The following ANGPTL3 variants were observed in gnomAD, a reference collection of about 807,000 sequenced individuals.
ANGPTL3 encodes the protein angiopoietin-related protein 3.
Under a neutral mutation model 52.7 loss-of-function variants are expected in ANGPTL3, and 51 were observed. The ratio of observed to expected loss-of-function variants is 0.97; its 90% CI spans 0.77 to 1.22. The LOEUF is 1.22. Among genes scored for constraint, ANGPTL3 ranks in the 50% most tolerant of loss-of-function variants. The pLI is 0.00. For synonymous variants in ANGPTL3, 185 were observed against 179.8 expected (o/e 1.03, Z -0.23); for missense variants, 506 against 520.7 (o/e 0.97, Z 0.27).
In ANGPTL3 at chr1:62,597,915, T is replaced by C. The variant is rs771793802; in HGVS notation, c.349T>C (p.Ser117Pro). 6.4e-7 allele frequency: 1 copy of C among 1,554,162 alleles called. No individual in the cohort carries two copies. Among genetic ancestry groups the C allele is most frequent in the South Asian group, 1.3e-5 (1 of 79,254 alleles). The change falls in exon 1 of 7, where the codon TCA becomes CCA. Residue 117 changes from serine to proline, a missense_variant. Transcript: ENST00000371129. Reference protein sequence around the residue: ...QVKNEEVKNMSLELNSKLESL... With the variant: ...QVKNEEVKNMPLELNSKLESL... The stretch of plus-strand genomic sequence containing the variant: ...CAAAAATGAAGAGGTAAAGAATATG[T>C]CACTTGAACTCAACTCAAAACTTGA...
At chr1:62,603,751 C>CA (rs1418383583) in intron 5 of ANGPTL3, among the ~76,000 whole-genome samples, 1 of 151,726 alleles carries the variant, frequency 6.6e-6, no homozygotes, top group Admixed American at 6.6e-5. Flanking sequence ...AAAGGATAAT[C>CA]AGACTTTCAG....
chr1:62,598,585 A>G, intron 1 of ANGPTL3, 111 bp from the exon 2 acceptor site: 1 of 690,098 alleles, frequency 1.4e-6, no homozygotes, highest in South Asian at 1.7e-5. Flanking sequence ...GCCAATATTC[A>G]TTTTTCAAAT....
At chr1:62,604,508 C>A in intron 6 of ANGPTL3, 125 bp from the exon 7 acceptor site, 1 of 1,047,474 alleles carries the variant, frequency 9.5e-7, no homozygotes, top group Middle Eastern at 2.5e-4. Flanking sequence ...TTATTTAAAA[C>A]TGGGATACAT....
Position 62,604,916 on chromosome 1 carries a change from G to A in ANGPTL3, c.*99G>A. Reference sequence around the variant, plus strand: ...ATTAAATCCTTAAGAGAAAGCTTGAGAAATAGATTTTTTTTATCTTAAAGT... The same window carrying A: ...ATTAAATCCTTAAGAGAAAGCTTGAAAAATAGATTTTTTTTATCTTAAAGT... On this transcript the variant is annotated 3_prime_UTR_variant, in exon 7 of 7. Coordinates refer to ENST00000371129, the MANE Select transcript of ANGPTL3 (RefSeq NM_014495.4). The A allele has an allele frequency of 7.7e-7, 1 of 1,291,906 alleles. No homozygotes were observed. The highest frequency in any genetic ancestry group is 1.1e-6 in the Non-Finnish European group (1 of 907,178). The allele number at this position is 1,291,906 out of a possible 1,614,324, so 80.0% of individuals were successfully genotyped here.
At position 62,604,184 on chromosome 1, in the gene ANGPTL3, A is replaced by T. The variant is rs368728000; in HGVS notation, c.1147A>T (p.Thr383Ser). 7.5e-5 allele frequency: 121 copies of T among 1,613,360 alleles called. No homozygotes were observed. Among genetic ancestry groups the T allele is most frequent in the Middle Eastern group, 1.7e-4 (1 of 6,058 alleles). The change falls in exon 6 of 7, where the codon ACT becomes TCT. Residue 383 changes from threonine to serine, a missense_variant. By Grantham distance (58) the Thr-to-Ser change is moderately conservative. Coordinates refer to ENST00000371129, the MANE Select transcript of ANGPTL3 (RefSeq NM_014495.4). ...IPENKDLVFSTWDHKAKGHFN... is the reference protein window; with the variant it reads ...IPENKDLVFSSWDHKAKGHFN... Reference sequence around the variant, plus strand: ...GGAAAACAAAGATTTGGTGTTTTCTACTTGGGATCACAAAGCAAAAGGACA... The same window carrying T: ...GGAAAACAAAGATTTGGTGTTTTCTTCTTGGGATCACAAAGCAAAAGGACA...
intron 5 of ANGPTL3, 50 bp from the exon 6 acceptor site, chr1:62,603,919 G>A (rs1272894297): frequency 4.4e-6 from 7 of 1,580,862 alleles, no homozygotes; most frequent in Non-Finnish European, 6.1e-6. Context: ...AACTGTCAGT[G>A]TCCAACCTGT....
Position 62,601,145 on chromosome 1 carries a change from A to G in ANGPTL3, c.670A>G (p.Arg224Gly), listed in dbSNP as rs1650057251. 6.2e-7 allele frequency: 1 copy of G among 1,611,142 alleles called. No homozygotes were observed. The highest frequency in any genetic ancestry group is 1.3e-5 in the African/African-American group (1 of 74,922). Residue 224 changes from arginine (R) to glycine (G), a missense_variant, in exon 3 of 7, where the codon AGA (arginine) becomes GGA (glycine). Physicochemically the swap from Arg to Gly is moderately radical, Grantham distance 125. Transcript: ENST00000371129. ...TCTATCTTCCAAGCCAAGAGCACCA[A>G]GAACTACTCCCTTTCTTCAGTTGAA... is the stretch of plus-strand genomic sequence containing the variant. ...ISLSSKPRAP[R>G]TTPFLQLNEI...
chr1:62,603,368 A>C (rs1199874081), intron 5 of ANGPTL3, among the ~76,000 whole-genome samples: 4 of 151,830 alleles, frequency 2.6e-5, no homozygotes, highest in Non-Finnish European at 4.4e-5. Flanking sequence ...CAATCTATTT[A>C]TATTTGTTAT....
chr1:62,597,757 C>A lies in ANGPTL3; in HGVS notation c.191C>A (p.Thr64Lys), dbSNP rs756641927. 2 of 1,613,452 alleles carry A rather than the reference C, an allele frequency of 1.2e-6. No homozygotes were observed. Among genetic ancestry groups the A allele is most frequent in the Admixed American group, 1.7e-5 (1 of 59,920 alleles). Residue 64 changes from threonine to lysine, a missense_variant, in exon 1 of 7, where the codon ACG (threonine) becomes AAG (lysine). Physicochemically the swap from Thr to Lys is moderately conservative, Grantham distance 78 (BLOSUM62 -1). Transcript: ENST00000371129. ...GHGLKDFVHK[T>K]KGQINDIFQK... ...GGTCTTAAAGACTTTGTCCATAAGA[C>A]GAAGGGCCAAATTAATGACATATTT...
intron 2 of ANGPTL3, among the ~76,000 whole-genome samples, chr1:62,599,576 G>A (rs1649808426): frequency 6.6e-6 from 1 of 152,050 alleles, no homozygotes; most frequent in Non-Finnish European, 1.5e-5. Flanking sequence ...TAAAATGTAA[G>A]CTCTGTGAAT....
chr1:62,599,643 A>G (rs915701404), intron 2 of ANGPTL3, among the ~76,000 whole-genome samples: 1 of 152,108 alleles, frequency 6.6e-6, no homozygotes, highest in Non-Finnish European at 1.5e-5. Context: ...ACTCCAGAAT[A>G]TAGAATACTG....
In ANGPTL3 at chr1:62,604,118, C is replaced by T; in HGVS notation, c.1081C>T (p.His361Tyr). ...AAATCACGAAACCAACTATACGCTA[C>T]ATCTAGTTGCGATTACTGGCAATGT... ...LGNHETNYTL[H>Y]LVAITGNVPN... is the part of the protein sequence containing the mutation. Residue 361 changes from histidine to tyrosine, a missense_variant, in exon 6 of 7, where the codon CAT becomes TAT. Coordinates refer to ENST00000371129, the MANE Select transcript of ANGPTL3 (RefSeq NM_014495.4). The T allele has an allele frequency of 3.7e-6, 6 of 1,613,326 alleles. No homozygotes were observed. The highest frequency in any genetic ancestry group is 4.2e-6 in the Non-Finnish European group (5 of 1,179,482).
chr1:62,604,587 T>A, intron 6 of ANGPTL3, 46 bp from the exon 7 acceptor site: 1 of 1,563,618 alleles, frequency 6.4e-7, no homozygotes, highest in Non-Finnish European at 8.8e-7. Flanking sequence ...TAACAGTAAC[T>A]ACATACGAGT....
At chr1:62,599,933 G>T (rs1436769538) in intron 2 of ANGPTL3, among the ~76,000 whole-genome samples, 1 of 151,612 alleles carries the variant, frequency 6.6e-6, no homozygotes, top group Non-Finnish European at 1.5e-5. Context: ...CTATTCAAGA[G>T]GATTCAAAAA....
rs781529074 is a variant in ANGPTL3 at position 62,604,150 on chromosome 1, T to C, written c.1113T>C (p.Asn371=). 71 of 1,613,328 alleles carry C rather than the reference T, an allele frequency of 4.4e-5. No homozygotes were observed. The highest frequency in any genetic ancestry group is 8.3e-5 in the Admixed American group (5 of 59,930). The change falls in exon 6 of 7, where the codon AAT becomes AAC. Residue 371 remains asparagine, a synonymous_variant. Coordinates refer to ENST00000371129, the MANE Select transcript of ANGPTL3 (RefSeq NM_014495.4). ...TTGCGATTACTGGCAATGTCCCCAA[T>C]GCAATCCCGGAAAACAAAGATTTGG... ...HLVAITGNVP[N]AIPENKDLVF...
Position 62,601,107 on chromosome 1 carries a change from C to T in ANGPTL3, c.632C>T (p.Pro211Leu). The T allele has an allele frequency of 6.2e-7, 1 of 1,607,112 alleles. No individual in the cohort carries two copies. Among genetic ancestry groups the T allele is most frequent in the Non-Finnish European group, 8.5e-7 (1 of 1,174,312 alleles). Residue 211 changes from proline to leucine, a missense_variant, in exon 3 of 7, where the codon CCC becomes CTC. Transcript: ENST00000371129. ...CTCAGAAGGACTAGTATTCAAGAAC[C>T]CACAGAAATTTCTCTATCTTCCAAG... ...NQLRRTSIQEPTEISLSSKPR... is the reference protein window; with the variant it reads ...NQLRRTSIQELTEISLSSKPR...
chr1:62,598,687 T>C lies in ANGPTL3; in HGVS notation c.496-9T>C. 1 of 1,532,672 alleles carries C rather than the reference T, an allele frequency of 6.5e-7. No individual in the cohort carries two copies. The highest frequency in any genetic ancestry group is 9.0e-7 in the Non-Finnish European group (1 of 1,106,530). 94.9% of individuals were successfully genotyped at this position (1,532,672 alleles called of 1,614,324 possible). On this transcript the variant is annotated splice_polypyrimidine_tract_variant and intron_variant, in intron 1 of 6. Coordinates refer to ENST00000371129, the MANE Select transcript of ANGPTL3 (RefSeq NM_014495.4). ...AGCAACTTATAACCAACCTACTCTC[T>C]ATATCCAGACTTTTGTAGAAAAACA...
At position 62,597,634 on chromosome 1, in the gene ANGPTL3, A is replaced by G; in HGVS notation, c.68A>G (p.Asn23Ser). 1 of 1,613,224 alleles carries G rather than the reference A, an allele frequency of 6.2e-7. No homozygotes were observed. Among genetic ancestry groups the G allele is most frequent in the East Asian group, 2.2e-5 (1 of 44,826 alleles). ...LVISSRIDQD[N>S]SSFDSLSPEP... Reference sequence around the variant, plus strand: ...ATTTCCTCCAGAATTGATCAAGACAATTCATCATTTGATTCTCTATCTCCA... The same window carrying G: ...ATTTCCTCCAGAATTGATCAAGACAGTTCATCATTTGATTCTCTATCTCCA... The change falls in exon 1 of 7, where the codon AAT becomes AGT. Residue 23 changes from asparagine (N) to serine (S), a missense_variant. Asn to Ser is a conservative substitution (Grantham distance 46). Coordinates refer to ENST00000371129, the MANE Select transcript of ANGPTL3 (RefSeq NM_014495.4).
chr1:62,599,242 C>T (rs1649750669), intron 2 of ANGPTL3, among the ~76,000 whole-genome samples: 1 of 152,038 alleles, frequency 6.6e-6, no homozygotes, highest in African/African-American at 2.4e-5. Context: ...GACTTCACCT[C>T]CTCTACTCTA....
Sources: gnomAD v4.1 joint callset for allele counts (sites outside exome capture counted in the v4.1 genomes callset) on GRCh38, gnomAD v4.1.1 for gene constraint, MANE v1.5 for transcripts, NCBI Gene and HGNC (gene_info 2026-07-23, HGNC 2026-07-21) for gene names.